The following RNF6 variants were observed in gnomAD, a reference collection of about 807,000 sequenced individuals.
RNF6 encodes the protein E3 ubiquitin-protein ligase RNF6.
RNF6 carries 21 observed loss-of-function variants against 50.1 expected under a neutral mutation model. The observed-to-expected ratio is 0.42, with a 90% CI of 0.30 to 0.60. The LOEUF (loss-of-function observed/expected upper bound fraction) is 0.60, where lower values mean the gene tolerates loss of function less well. Among genes scored for constraint, RNF6 ranks in the 20% least tolerant of loss-of-function variants. RNF6 has a pLI of 0.20. For synonymous variants in RNF6, 255 were observed against 291.8 expected, an observed-to-expected ratio of 0.87 and a Z score of 1.29; for missense variants, 698 against 838.2, an observed-to-expected ratio of 0.83 and a Z score of 2.07.
At chr13:26,165,840 G>A (rs1279597034) in intron 5 of RNF6, among the ~76,000 whole-genome samples, 7 of 152,154 alleles carry the variant, frequency 4.6e-5, no homozygotes, top group South Asian at 2.1e-4. Flanking sequence ...TTACTGGCTC[G>A]TAGGCAGGAG....
At chr13:26,179,553 G>A (rs952716056) in intron 5 of RNF6, among the ~76,000 whole-genome samples, 2 of 152,182 alleles carry the variant, frequency 1.3e-5, no homozygotes, top group African/African-American at 4.8e-5. Flanking sequence ...ATTCTGAACA[G>A]TTCCTTCTTA....
chr13:26,138,550 C>T (rs1870767519), intron 5 of RNF6, among the ~76,000 whole-genome samples: 1 of 151,906 alleles, frequency 6.6e-6, no homozygotes, highest in Non-Finnish European at 1.5e-5. Flanking sequence ...AATCAGTGTT[C>T]ATGGGCAGAT....
exon 6 of RNF6, chr13:26,132,338 C>T (rs548993424): frequency 1.9e-4 from 80 of 415,708 alleles, no homozygotes; most frequent in Admixed American, 7.7e-4. Flanking sequence ...ACCCCTTAGG[C>T]TCCAGGTTCC....
chr13:26,185,046 T>C (rs1199557693), intron 5 of RNF6, among the ~76,000 whole-genome samples: 1 of 152,184 alleles, frequency 6.6e-6, no homozygotes, highest in African/African-American at 2.4e-5. Context: ...CCCCAAGCTG[T>C]AGTGAAGTGG....
intron 5 of RNF6, among the ~76,000 whole-genome samples, chr13:26,145,450 A>T (rs68194307): frequency 1.8e-4 from 5 of 27,418 alleles, no homozygotes; most frequent in African/African-American, 6.6e-4. Flanking sequence ...AATCATGGGG[A>T]GGGGGGGGGA....
chr13:26,145,708 T>C (rs1386359955), intron 5 of RNF6, among the ~76,000 whole-genome samples: 1 of 152,238 alleles, frequency 6.6e-6, no homozygotes, highest in Non-Finnish European at 1.5e-5. Flanking sequence ...GTCTCAGGTA[T>C]GTCTCTATAC....
In RNF6 at chr13:26,157,933, T is replaced by C. The variant is rs138772710; in HGVS notation, n.769-25482A>G. Among the ~76,000 whole-genome samples the C allele has an allele frequency of 2.8e-3, 421 of 149,910 alleles. 1 individual carries two copies. The highest frequency in any genetic ancestry group is 4.8e-3 in the Non-Finnish European group (325 of 67,744). Reference sequence around the variant, plus strand: ...ATGGATGGATGGATGGATAGATGGATAGATGGATGGCTAGCTAGCTAGAAG... The same window carrying C: ...ATGGATGGATGGATGGATAGATGGACAGATGGATGGCTAGCTAGCTAGAAG... On this transcript the variant is annotated intron_variant and non_coding_transcript_variant, in intron 5 of 5. Transcript: ENST00000468480.
chr13:26,219,406 T>G (rs763300456), intron 3 of RNF6, 51 bp downstream of exon 3: 2 of 1,377,240 alleles, frequency 1.5e-6, no homozygotes, highest in African/African-American at 2.9e-5. Context: ...CTTGAAATCC[T>G]TCCATCTAAA....
intron 5 of RNF6, among the ~76,000 whole-genome samples, chr13:26,206,840 A>C (rs1291949385): frequency 6.6e-6 from 1 of 152,072 alleles, no homozygotes; most frequent in Non-Finnish European, 1.5e-5. Flanking sequence ...AAGCACATAG[A>C]TGGGGAACTG....
chr13:26,204,743 G>A (rs1869040154), intron 5 of RNF6, among the ~76,000 whole-genome samples: 1 of 151,950 alleles, frequency 6.6e-6, no homozygotes, highest in Non-Finnish European at 1.5e-5. Context: ...ATGTAAGAAG[G>A]GCCTAAGAAA....
intron 5 of RNF6, among the ~76,000 whole-genome samples, chr13:26,172,441 C>A (rs1872738663): frequency 6.6e-6 from 1 of 152,096 alleles, no homozygotes; most frequent in Admixed American, 6.5e-5. Flanking sequence ...TGAAAAAACA[C>A]AAACCATGAA....
chr13:26,200,573 T>G lies in RNF6; in HGVS notation n.768+14901A>C, dbSNP rs548168977. Among the ~76,000 whole-genome samples, 115 of 152,174 alleles carry G rather than the reference T, an allele frequency of 7.6e-4. 1 individual carries two copies. Among genetic ancestry groups the G allele is most frequent in the Non-Finnish European group, 7.4e-5 (5 of 68,006 alleles). On this transcript the variant is annotated intron_variant and non_coding_transcript_variant, in intron 5 of 5. Coordinates refer to the RNF6 transcript ENST00000468480. ...GGTGCCCACCACCACACCAGCTAATTTTTTGTATTTTTAGTAGAGACAAGT... is the reference window on the plus strand; with the variant it reads ...GGTGCCCACCACCACACCAGCTAATGTTTTGTATTTTTAGTAGAGACAAGT...
chr13:26,204,431 A>G (rs987452148), intron 5 of RNF6, among the ~76,000 whole-genome samples: 1 of 143,458 alleles, frequency 7.0e-6, no homozygotes, highest in Non-Finnish European at 1.5e-5. Flanking sequence ...TGGGAGGTGG[A>G]GATTGCAGTG....
chr13:26,169,219 A>T (rs1307423998), intron 5 of RNF6, among the ~76,000 whole-genome samples: 3 of 152,032 alleles, frequency 2.0e-5, no homozygotes, highest in African/African-American at 7.2e-5. Context: ...CCTGCTTCAC[A>T]GACTCTAGGT....
intron 5 of RNF6, among the ~76,000 whole-genome samples, chr13:26,161,709 G>C (rs1285590785): frequency 1.3e-5 from 2 of 152,070 alleles, no homozygotes; most frequent in African/African-American, 4.8e-5. Context: ...TTTTATGTTT[G>C]AGCAGTTTGT....
intron 5 of RNF6, among the ~76,000 whole-genome samples, chr13:26,163,523 C>A (rs1257840502): frequency 6.6e-6 from 1 of 152,102 alleles, no homozygotes; most frequent in East Asian, 1.9e-4. Context: ...GTATTTACAT[C>A]TAAGAATGAA....
At position 26,214,728 on chromosome 13, in the gene RNF6, C is replaced by T. The variant is rs1187557233; in HGVS notation, c.1154G>A (p.Ser385Asn). The T allele has an allele frequency of 6.2e-7, 1 of 1,614,184 alleles. No homozygotes were observed. Among genetic ancestry groups the T allele is most frequent in the Admixed American group, 1.7e-5 (1 of 60,024 alleles). The change falls in exon 5 of 5, where the codon AGC becomes AAC. Residue 385 changes from serine (S) to asparagine (N), a missense_variant. By Grantham distance (46) the Ser-to-Asn change is conservative. Transcript: ENST00000381588. The part of the protein sequence containing the change: ...RITVEEGEES[S>N]RSSTAVRRHP... ...TCGTCGTACAGCAGTTGAGGATCTG[C>T]TGGATTCTTCTCCTTCTTCTACTGT...
At chr13:26,184,456 T>A (rs1873421340) in intron 5 of RNF6, among the ~76,000 whole-genome samples, 1 of 152,212 alleles carries the variant, frequency 6.6e-6, no homozygotes, top group Non-Finnish European at 1.5e-5. Flanking sequence ...TGTTTTATGC[T>A]TTTTGCTCTA....
chr13:26,174,738 A>G (rs566942697), intron 5 of RNF6, among the ~76,000 whole-genome samples: 60 of 152,216 alleles, frequency 3.9e-4, no homozygotes, highest in African/African-American at 1.3e-3. Context: ...AACGGTCCCA[A>G]TCCCAGATTG....
Sources: gnomAD v4.1 joint callset for allele counts (sites outside exome capture counted in the v4.1 genomes callset) on GRCh38, gnomAD v4.1.1 for gene constraint, MANE v1.5 for transcripts, NCBI Gene and HGNC (gene_info 2026-07-23, HGNC 2026-07-21) for gene names.